The following COP1 variants were observed in gnomAD, a reference collection of about 807,000 sequenced individuals.
COP1 encodes E3 ubiquitin-protein ligase COP1.
A neutral mutation model predicts 101.3 loss-of-function variants in COP1; 24 were observed. The observed-to-expected ratio is 0.24, with a 90% CI of 0.17 to 0.33. COP1 has a LOEUF of 0.33. COP1 is among the 10% of genes least tolerant of loss of function. The pLI is 1.00. For synonymous variants in COP1, 347 were observed against 341.9 expected, an observed-to-expected ratio of 1.01 and a Z score of -0.17; for missense variants, 663 against 906.2, an observed-to-expected ratio of 0.73 and a Z score of 3.45.
intron 18 of COP1, among the ~76,000 whole-genome samples, chr1:175,954,379 A>G (rs1221942452): frequency 6.6e-6 from 1 of 152,178 alleles, no homozygotes; most frequent in Non-Finnish European, 1.5e-5. Context: ...GAAAAGAGCA[A>G]GTTACACATG....
intron 5 of COP1, 46 bp downstream of exon 5, chr1:176,162,823 T>C: frequency 6.5e-7 from 1 of 1,531,194 alleles, no homozygotes; most frequent in Non-Finnish European, 8.8e-7. Context: ...TTTATTGCAA[T>C]AAAGTTCATC....
At chr1:176,127,978 T>G (rs914925455) in intron 8 of COP1, among the ~76,000 whole-genome samples, 1 of 152,068 alleles carries the variant, frequency 6.6e-6, no homozygotes, top group African/African-American at 2.4e-5. Context: ...CTCTGATGAT[T>G]AGAGATGTTG....
chr1:176,151,389 GAA>G (rs975107950), intron 5 of COP1, among the ~76,000 whole-genome samples: 29 of 122,134 alleles, frequency 2.4e-4, no homozygotes, highest in Non-Finnish European at 5.3e-4. Context: ...AAGAAAGAAA[GAA>G]AGAAAGAAAG....
In COP1 at chr1:176,085,794, T is replaced by C; in HGVS notation, c.1123A>G (p.Arg375Gly). 6.3e-7 allele frequency: 1 copy of C among 1,594,976 alleles called. No homozygotes were observed. Among genetic ancestry groups the C allele is most frequent in the Admixed American group, 1.7e-5 (1 of 59,734 alleles). ...EDLEQCYFST[R>G]MSRISDDSRT... ...TATATACCTGAGATACGAGACATCC[T>C]TGTAGAAAAGTAACACTGCTCCAAG... Residue 375 changes from arginine to glycine, a missense_variant, in exon 10 of 20, where the codon AGG (arginine) becomes GGG (glycine). Coordinates refer to ENST00000367669, the MANE Select transcript of COP1 (RefSeq NM_022457.7).
chr1:176,032,270 A>C (rs1266347170), intron 14 of COP1, among the ~76,000 whole-genome samples: 3 of 152,216 alleles, frequency 2.0e-5, no homozygotes, highest in African/African-American at 7.2e-5. Context: ...CTCAGGGGCA[A>C]TGTGTATTGT....
chr1:175,948,234 G>T (rs1462047183), intron 18 of COP1, among the ~76,000 whole-genome samples: 1 of 152,202 alleles, frequency 6.6e-6, no homozygotes, highest in Non-Finnish European at 1.5e-5. Context: ...GAGAATCTCA[G>T]AAAGTAGGAA....
At chr1:175,980,526 C>G (rs1571368774) in intron 18 of COP1, among the ~76,000 whole-genome samples, 1 of 152,180 alleles carries the variant, frequency 6.6e-6, no homozygotes, top group East Asian at 1.9e-4. Context: ...TGATAGGTTC[C>G]CAAGCCAAGT....
chr1:175,951,437 A>AAT (rs765055146), intron 18 of COP1, among the ~76,000 whole-genome samples: 3,006 of 107,986 alleles, frequency 0.028, 255 homozygotes, highest in African/African-American at 0.061. Context: ...AAGATACGTG[A>AAT]ATATATATAT....
intron 11 of COP1, among the ~76,000 whole-genome samples, chr1:176,069,603 G>C (rs1676614713): frequency 6.6e-6 from 1 of 152,180 alleles, no homozygotes; most frequent in African/African-American, 2.4e-5. Flanking sequence ...CCAAAGATGT[G>C]AACACTTCTC....
At chr1:175,947,113 A>G in intron 19 of COP1, 82 bp downstream of exon 19, 1 of 942,118 alleles carries the variant, frequency 1.1e-6, no homozygotes, top group South Asian at 1.4e-5. Context: ...TCTAAGGCTC[A>G]GTACAATGGT....
intron 1 of COP1, among the ~76,000 whole-genome samples, chr1:176,205,386 T>C (rs1238735949): frequency 2.6e-5 from 4 of 152,208 alleles, no homozygotes; most frequent in African/African-American, 7.2e-5. Flanking sequence ...GACATCATTT[T>C]TCTGCAGGAA....
chr1:176,115,968 G>GT (rs1558139927), intron 9 of COP1, among the ~76,000 whole-genome samples: 3 of 152,084 alleles, frequency 2.0e-5, no homozygotes, highest in Admixed American at 6.6e-5. Flanking sequence ...GTAATGAAGC[G>GT]TAATTCAATG....
intron 5 of COP1, among the ~76,000 whole-genome samples, chr1:176,155,076 C>A (rs1193885821): frequency 1.3e-5 from 2 of 152,144 alleles, no homozygotes; most frequent in East Asian, 3.9e-4. Flanking sequence ...GAAGCACTGG[C>A]ATCACAGACA....
intron 3 of COP1, among the ~76,000 whole-genome samples, chr1:176,169,503 C>T (rs980392324): frequency 2.0e-5 from 3 of 152,070 alleles, no homozygotes; most frequent in African/African-American, 7.2e-5. Context: ...CACAATAAAG[C>T]AAGTCACATG....
intron 10 of COP1, among the ~76,000 whole-genome samples, chr1:176,083,832 A>G (rs1679630282): frequency 6.6e-6 from 1 of 152,210 alleles, no homozygotes; most frequent in African/African-American, 2.4e-5. Context: ...GGAACTTACA[A>G]TCCAGCAATA....
intron 14 of COP1, among the ~76,000 whole-genome samples, chr1:176,039,871 AAAGGTGGATCGTT>A (rs1670215607): frequency 6.6e-6 from 1 of 152,204 alleles, no homozygotes; most frequent in Admixed American, 6.5e-5. Flanking sequence ...ATAAAAGAAT[AAAGGTGGATCGTT>A]AACATCATAT....
intron 9 of COP1, among the ~76,000 whole-genome samples, chr1:176,086,644 T>C (rs900824715): frequency 6.6e-6 from 1 of 151,628 alleles, no homozygotes; most frequent in Non-Finnish European, 1.5e-5. Flanking sequence ...TCCATGCTCA[T>C]GGATAGGAAG....
chr1:176,032,568 G>A (rs957967592), intron 14 of COP1, among the ~76,000 whole-genome samples: 3 of 151,976 alleles, frequency 2.0e-5, no homozygotes, highest in African/African-American at 7.2e-5. Context: ...GTCCCTCCTA[G>A]GACTCTAGAC....
At chr1:176,007,000 T>A (rs1387891901) in intron 15 of COP1, among the ~76,000 whole-genome samples, 6 of 152,138 alleles carry the variant, frequency 3.9e-5, no homozygotes, top group African/African-American at 1.2e-4. Context: ...CAGATGTAGA[T>A]TTGGTCTTTT....
Sources: gnomAD v4.1 joint callset for allele counts (sites outside exome capture counted in the v4.1 genomes callset) on GRCh38, gnomAD v4.1.1 for gene constraint, MANE v1.5 for transcripts, NCBI Gene and HGNC (gene_info 2026-07-23, HGNC 2026-07-21) for gene names.